The following ARHGAP33 variants were observed in gnomAD, a reference collection of about 807,000 sequenced individuals.
ARHGAP33 encodes the protein Rho GTPase activating protein 33.
A neutral mutation model predicts 126.2 loss-of-function variants in ARHGAP33; 57 were observed. The ratio of observed to expected loss-of-function variants is 0.45; its 90% CI spans 0.36 to 0.56. The LOEUF (loss-of-function observed/expected upper bound fraction) is 0.56, where lower values mean the gene tolerates loss of function less well. Ranked by LOEUF, ARHGAP33 falls within the 20% of genes least tolerant of loss-of-function variation. The pLI is 0.00. For synonymous variants in ARHGAP33, 711 were observed against 755.0 expected (o/e 0.94, Z 0.95); for missense variants, 1,500 against 1,748.3 (o/e 0.86, Z 2.53).
intron 1 of ARHGAP33, 76 bp from the exon 2 acceptor site, chr19:35,777,569 G>C: frequency 1.6e-6 from 2 of 1,287,314 alleles, no homozygotes; most frequent in Non-Finnish European, 2.2e-6. Context: ...CTCTGGACCC[G>C]CGCTGCCAGA....
intron 1 of ARHGAP33, 114 bp from the exon 2 acceptor site, chr19:35,777,531 C>G: frequency 1.2e-6 from 1 of 809,588 alleles, no homozygotes; most frequent in Admixed American, 2.0e-5. Flanking sequence ...CTGCTTCATG[C>G]TCAGGGCGGT....
chr19:35,788,464 C>A lies in ARHGAP33; in HGVS notation c.*35C>A. On this transcript the variant is annotated 3_prime_UTR_variant, in exon 21 of 21. Coordinates refer to ENST00000007510, the MANE Select transcript of ARHGAP33 (RefSeq NM_001366178.1). ...GGGAGGGGCCGTCCTTCCTTCCCTT[C>A]ACCCTCACTGGATCTTGGCCCAACC... 2 of 1,477,160 alleles carry A rather than the reference C, an allele frequency of 1.4e-6. No individual in the cohort carries two copies. Among genetic ancestry groups the A allele is most frequent in the Admixed American group, 2.6e-5 (1 of 38,526 alleles). 91.5% of individuals were successfully genotyped at this position (1,477,160 alleles called of 1,614,324 possible). A position where few individuals can be genotyped will look rare whatever the true frequency, so the allele number is the denominator to read the frequency against.
chr19:35,781,100 C>T (rs757088336), intron 11 of ARHGAP33, 28 bp downstream of exon 11: 71 of 1,610,802 alleles, frequency 4.4e-5, no homozygotes, highest in Non-Finnish European at 5.3e-5. Flanking sequence ...CCACCCCACC[C>T]GTCACACCAG....
Position 35,787,492 on chromosome 19 carries a change from A to T in ARHGAP33, c.2927A>T (p.Asp976Val), listed in dbSNP as rs543844735. 15 of 1,612,388 alleles carry T rather than the reference A, an allele frequency of 9.3e-6. No individual in the cohort carries two copies. The South Asian group carries it at 1.6e-4, about 18-fold the overall frequency. The change falls in exon 21 of 21, where the codon GAT (aspartate) becomes GTT (valine). Residue 976 changes from aspartate to valine, a missense_variant. This residue lies in a region of ARHGAP33 where 642 missense variants were observed against 634.0 expected (regional missense o/e 1.01). Coordinates refer to ENST00000007510, the MANE Select transcript of ARHGAP33 (RefSeq NM_001366178.1). The part of the protein sequence containing the change: ...PPPYLPRQQS[D>V]GSLLRSQRPM... ...CCCTACTTACCAAGGCAACAAAGTG[A>T]TGGGAGCCTGCTGAGGAGCCAGCGG...
chr19:35,786,827 G>A lies in ARHGAP33; in HGVS notation c.2357G>A (p.Ser786Asn), dbSNP rs751535913. 6.6e-7 allele frequency: 1 copy of A among 1,514,504 alleles called. No homozygotes were observed. Among genetic ancestry groups the A allele is most frequent in the Admixed American group, 1.9e-5 (1 of 52,902 alleles). The allele number at this position is 1,514,504 out of a possible 1,614,324, so 93.8% of individuals were successfully genotyped here. The change falls in exon 20 of 21, where the codon AGC becomes AAC. Residue 786 changes from serine (S) to asparagine (N), a missense_variant. Physicochemically the swap from Ser to Asn is conservative, Grantham distance 46. Coordinates refer to ENST00000007510, the MANE Select transcript of ARHGAP33 (RefSeq NM_001366178.1). This position sits in a 1 kb window ranked among gnomAD's most constrained non-coding sequence, Gnocchi z 7.0. Reference sequence around the variant, plus strand: ...GCCATCTCGCCCCGGGGGCCCACCAGCCCCGCCTCGCCTGCTGCCCTAGAC... The same window carrying A: ...GCCATCTCGCCCCGGGGGCCCACCAACCCCGCCTCGCCTGCTGCCCTAGAC... ...PQAISPRGPTSPASPAALDIS... is the reference protein window; with the variant it reads ...PQAISPRGPTNPASPAALDIS...
chr19:35,777,535 G>C (rs1971519867), intron 1 of ARHGAP33, 110 bp from the exon 2 acceptor site: 6 of 830,884 alleles, frequency 7.2e-6, no homozygotes, highest in Non-Finnish European at 1.2e-5. Context: ...TTCATGCTCA[G>C]GGCGGTGTGT....
At position 35,786,202 on chromosome 19, in the gene ARHGAP33, T is replaced by C; in HGVS notation, c.1943-211T>C. The C allele has an allele frequency of 7.1e-7, 1 of 1,407,852 alleles. No individual in the cohort carries two copies. The highest frequency in any genetic ancestry group is 9.2e-7 in the Non-Finnish European group (1 of 1,086,022). The allele number at this position is 1,407,852 out of a possible 1,614,324, so 87.2% of individuals were successfully genotyped here. A position where few individuals can be genotyped will look rare whatever the true frequency, so the allele number is the denominator to read the frequency against. ...GCTGTATGTGAATCTGTTGGTCTCG[T>C]GCTCACAGCCTGTGGGGCAGCCACA... On this transcript the variant is annotated intron_variant, in intron 19 of 20. Coordinates refer to ENST00000007510, the MANE Select transcript of ARHGAP33 (RefSeq NM_001366178.1). This position sits in a 1 kb window ranked among gnomAD's most constrained non-coding sequence, Gnocchi z 7.0.
rs756531666 is a variant in ARHGAP33, at chr19:35,787,430, C to T, written c.2865C>T (p.Ser955=). 5 of 1,612,030 alleles carry T rather than the reference C, an allele frequency of 3.1e-6. No homozygotes were observed. Among genetic ancestry groups the T allele is most frequent in the Non-Finnish European group, 4.2e-6 (5 of 1,179,206 alleles). ...CAGGGAGTGGGCCACCTCCCAACTC[C>T]CTAGCACACCCGGGTGCCTGGGTCC... ...GTSGSGPPPN[S]LAHPGAWVPG... is the part of the protein sequence containing the mutation. Residue 955 remains serine (S), a synonymous_variant, in exon 21 of 21, where the codon TCC becomes TCT. Transcript: ENST00000007510.
chr19:35,788,179 G>A lies in ARHGAP33; in HGVS notation c.3614G>A (p.Arg1205His), dbSNP rs371608548. The stretch of plus-strand genomic sequence containing the variant: ...TCAGATCCCGGTCCCCCAGTCCCCC[G>A]CCTTCCCCAGAAACAACGGGCACCC... ...SRSDPGPPVPRLPQKQRAPWG... is the reference protein window; with the variant it reads ...SRSDPGPPVPHLPQKQRAPWG... Residue 1205 changes from arginine to histidine, a missense_variant, in exon 21 of 21, where the codon CGC becomes CAC. Physicochemically the swap from Arg to His is conservative, Grantham distance 29 (BLOSUM62 0). Coordinates refer to ENST00000007510, the MANE Select transcript of ARHGAP33 (RefSeq NM_001366178.1). The A allele has an allele frequency of 7.2e-5, 101 of 1,399,024 alleles. No individual in the cohort carries two copies. The highest frequency in any genetic ancestry group is 1.9e-4 in the Middle Eastern group (1 of 5,186). The allele number at this position is 1,399,024 out of a possible 1,614,324, so 86.7% of individuals were successfully genotyped here. A position where few individuals can be genotyped will look rare whatever the true frequency, so the allele number is the denominator to read the frequency against.
Position 35,785,354 on chromosome 19 carries a change from G to A in ARHGAP33, c.1867+20G>A. The A allele has an allele frequency of 2.5e-6, 4 of 1,613,958 alleles. No individual in the cohort carries two copies. The highest frequency in any genetic ancestry group is 1.1e-5 in the South Asian group (1 of 91,072). The stretch of plus-strand genomic sequence containing the variant: ...CTTCAGGTGAGAGGCTGAGCCATGG[G>A]CTGGTGGGCAGCGATGGTCGCTGGA... On this transcript the variant is annotated intron_variant, in intron 18 of 20. Transcript: ENST00000007510.
At position 35,781,166 on chromosome 19, in the gene ARHGAP33, C is replaced by T. The variant is rs760017856; in HGVS notation, c.999C>T (p.Arg333=). ...TTCTCCCAGTGCCCCAGGTGCTGCG[C>T]TGCTGCTCCGAGTTCATTGAGGCCC... is the stretch of plus-strand genomic sequence containing the variant. ...NSGQDVPQVL[R]CCSEFIEAHG... is the part of the protein sequence containing the mutation. Residue 333 remains arginine (R), a synonymous_variant, in exon 12 of 21, where the codon CGC becomes CGT. Transcript: ENST00000007510. 2 of 1,610,690 alleles carry T rather than the reference C, an allele frequency of 1.2e-6. No homozygotes were observed. Among genetic ancestry groups the T allele is most frequent in the Non-Finnish European group, 1.7e-6 (2 of 1,178,462 alleles).
Position 35,786,560 on chromosome 19 carries a change from A to C in ARHGAP33, c.2090A>C (p.Glu697Ala), listed in dbSNP as rs751695558. 24 of 1,535,830 alleles carry C rather than the reference A, an allele frequency of 1.6e-5. No homozygotes were observed. The highest frequency in any genetic ancestry group is 7.8e-5 in the Admixed American group (4 of 50,960). The change falls in exon 20 of 21, where the codon GAG (glutamate) becomes GCG (alanine). Residue 697 changes from glutamate (E) to alanine (A), a missense_variant. Around this residue, in one of 6 missense-constraint regions of ARHGAP33, gnomAD observed 300 missense variants for 291.1 expected, o/e 1.03. Coordinates refer to ENST00000007510, the MANE Select transcript of ARHGAP33 (RefSeq NM_001366178.1). The surrounding 1 kb of genome is among the most constrained non-coding windows in gnomAD (Gnocchi z 7.0). ...SSSESSSSSSESSAAGLGALS... is the reference protein window; with the variant it reads ...SSSESSSSSSASSAAGLGALS... ...TCTGAGTCCTCCTCTTCCTCCTCTG[A>C]GTCCTCAGCAGCTGGGCTGGGGGCA...
At position 35,786,545 on chromosome 19, in the gene ARHGAP33, C is replaced by T. The variant is rs1183661736; in HGVS notation, c.2075C>T (p.Ser692Phe). The change falls in exon 20 of 21, where the codon TCC becomes TTC. Residue 692 changes from serine (S) to phenylalanine (F), a missense_variant. Coordinates refer to ENST00000007510, the MANE Select transcript of ARHGAP33 (RefSeq NM_001366178.1). The surrounding 1 kb of genome is among the most constrained non-coding windows in gnomAD (Gnocchi z 7.0). The part of the protein sequence containing the change: ...SSSESSSSES[S>F]SSSSESSAAG... ...TCCGAGTCCTCCTCCTCTGAGTCCT[C>T]CTCTTCCTCCTCTGAGTCCTCAGCA... is the stretch of plus-strand genomic sequence containing the variant. 2 of 1,536,104 alleles carry T rather than the reference C, an allele frequency of 1.3e-6. No individual in the cohort carries two copies. The highest frequency in any genetic ancestry group is 2.4e-5 in the East Asian group (1 of 40,900).
Position 35,788,466 on chromosome 19 carries a change from C to G in ARHGAP33, c.*37C>G, listed in dbSNP as rs1359617747. On this transcript the variant is annotated 3_prime_UTR_variant, in exon 21 of 21. Coordinates refer to ENST00000007510, the MANE Select transcript of ARHGAP33 (RefSeq NM_001366178.1). Reference sequence around the variant, plus strand: ...GAGGGGCCGTCCTTCCTTCCCTTCACCCTCACTGGATCTTGGCCCAACCAA... The same window carrying G: ...GAGGGGCCGTCCTTCCTTCCCTTCAGCCTCACTGGATCTTGGCCCAACCAA... 2 of 1,471,184 alleles carry G rather than the reference C, an allele frequency of 1.4e-6. No individual in the cohort carries two copies. The highest frequency in any genetic ancestry group is 5.1e-5 in the East Asian group (2 of 39,256). The allele number at this position is 1,471,184 out of a possible 1,614,324, so 91.1% of individuals were successfully genotyped here.
In ARHGAP33 at chr19:35,786,269, T is replaced by A; in HGVS notation, c.1943-144T>A. ...GGCCGGAAGTGTCCTCTTCATGGTC[T>A]CCACTGTCAATCTGAACAGCTCTTC... is the stretch of plus-strand genomic sequence containing the variant. On this transcript the variant is annotated intron_variant, in intron 19 of 20. Transcript: ENST00000007510. The surrounding 1 kb of genome is among the most constrained non-coding windows in gnomAD (Gnocchi z 7.0). The A allele has an allele frequency of 1.4e-6, 2 of 1,430,556 alleles. No individual in the cohort carries two copies. The allele number at this position is 1,430,556 out of a possible 1,614,324, so 88.6% of individuals were successfully genotyped here.
chr19:35,786,509 C>G lies in ARHGAP33; in HGVS notation c.2039C>G (p.Ser680Trp). ...GCTGGCTCCTGCGAGAGCCTGTCCT[C>G]GTCCTCCTCCTCCGAGTCCTCCTCC... is the stretch of plus-strand genomic sequence containing the variant. ...APAGSCESLS[S>W]SSSSESSSSE... The change falls in exon 20 of 21, where the codon TCG becomes TGG. Residue 680 changes from serine (S) to tryptophan (W), a missense_variant. Ser to Trp is a radical substitution (Grantham distance 177). Around this residue, in one of 6 missense-constraint regions of ARHGAP33, gnomAD observed 300 missense variants for 291.1 expected, o/e 1.03. Coordinates refer to ENST00000007510, the MANE Select transcript of ARHGAP33 (RefSeq NM_001366178.1). This position sits in a 1 kb window ranked among gnomAD's most constrained non-coding sequence, Gnocchi z 7.0. The G allele has an allele frequency of 6.5e-7, 1 of 1,536,104 alleles. No individual in the cohort carries two copies. The highest frequency in any genetic ancestry group is 1.7e-4 in the Middle Eastern group (1 of 5,986).
Position 35,785,244 on chromosome 19 carries a change from A to G in ARHGAP33, c.1777A>G (p.Thr593Ala). 1.9e-6 allele frequency: 3 copies of G among 1,588,558 alleles called. No homozygotes were observed. In the South Asian group the frequency reaches 3.4e-5, roughly 18 times the overall value. The change falls in exon 18 of 21, where the codon ACG becomes GCG. Residue 593 changes from threonine to alanine, a missense_variant. Thr to Ala is a moderately conservative substitution (Grantham distance 58, BLOSUM62 0). Transcript: ENST00000007510. ...QRKPGGSSWK[T>A]FFALGRGPSV... is the part of the protein sequence containing the mutation. Reference sequence around the variant, plus strand: ...GAAGCCAGGGGGCAGCAGCTGGAAGACGTTCTTTGCACTGGGCCGGGGCCC... The same window carrying G: ...GAAGCCAGGGGGCAGCAGCTGGAAGGCGTTCTTTGCACTGGGCCGGGGCCC...
chr19:35,788,224 A>C lies in ARHGAP33; in HGVS notation c.3659A>C (p.His1220Pro). 4.4e-6 allele frequency: 7 copies of C among 1,599,040 alleles called. No homozygotes were observed. The highest frequency in any genetic ancestry group is 6.0e-6 in the Non-Finnish European group (7 of 1,175,020). ...QRAPWGPRTP[H>P]RVPGPWGPPE... ...GCACCCTGGGGACCCCGTACCCCTC[A>C]TAGGGTGCCGGGTCCCTGGGGCCCT... The change falls in exon 21 of 21, where the codon CAT becomes CCT. Residue 1220 changes from histidine to proline, a missense_variant. By Grantham distance (77) the His-to-Pro change is moderately conservative. Coordinates refer to ENST00000007510, the MANE Select transcript of ARHGAP33 (RefSeq NM_001366178.1).
Position 35,788,327 on chromosome 19 carries a change from C to T in ARHGAP33, c.3762C>T (p.Tyr1254=). Residue 1254 remains tyrosine, a synonymous_variant, in exon 21 of 21, where the codon TAC becomes TAT. Coordinates refer to ENST00000007510, the MANE Select transcript of ARHGAP33 (RefSeq NM_001366178.1). ...GCGAGCTCCACCGAGGGTCCTTGTA[C>T]AGAAATGGAGGGCAAAGAGGGGAGG... is the stretch of plus-strand genomic sequence containing the variant. ...RGGELHRGSL[Y]RNGGQRGEGA... 1.2e-6 allele frequency: 2 copies of T among 1,609,052 alleles called. No individual in the cohort carries two copies. Among genetic ancestry groups the T allele is most frequent in the South Asian group, 1.1e-5 (1 of 90,714 alleles).
Sources: allele counts gnomAD v4.1 joint callset, GRCh38; gene constraint gnomAD v4.1.1; regional missense constraint gnomAD v4.1.1; non-coding constraint Gnocchi (gnomAD v3.1); transcripts MANE v1.5; gene names NCBI Gene and HGNC (gene_info 2026-07-23, HGNC 2026-07-21).